TENT4B: variants seen among roughly 807,000 people sequenced by gnomAD.
TENT4B encodes the protein terminal nucleotidyltransferase 4B, also known as PAP associated domain containing 5.
TENT4B carries 10 observed loss-of-function variants against 75.0 expected under a neutral mutation model. That is an observed-to-expected ratio of 0.13 (90% confidence interval 0.08 to 0.23). The LOEUF (loss-of-function observed/expected upper bound fraction) is 0.23. TENT4B is among the 10% of genes least tolerant of loss of function. The pLI is 1.00. For synonymous variants in TENT4B, 350 were observed against 357.7 expected (o/e 0.98, Z 0.24); for missense variants, 579 against 893.8 (o/e 0.65, Z 4.49).
At chr16:50,184,199 G>C (rs969826919) in intron 1 of TENT4B, among the ~76,000 whole-genome samples, 1 of 152,150 alleles carries the variant, frequency 6.6e-6, no homozygotes, top group Non-Finnish European at 1.5e-5. Context: ...AATGGCTTTT[G>C]ATGTCTGCCT....
intron 1 of TENT4B, among the ~76,000 whole-genome samples, chr16:50,202,263 T>C (rs2030701456): frequency 6.6e-6 from 1 of 152,164 alleles, no homozygotes; most frequent in Non-Finnish European, 1.5e-5. Context: ...ACCTGTACTG[T>C]AACATAGGGA....
chr16:50,224,826 T>C, intron 8 of TENT4B, 43 bp downstream of exon 8: 1 of 1,612,802 alleles, frequency 6.2e-7, no homozygotes. Flanking sequence ...CAAAATTAGT[T>C]GTGGCTTCTT....
chr16:50,211,576 A>T (rs2031280531), intron 2 of TENT4B, 130 bp downstream of exon 2: 1 of 1,082,652 alleles, frequency 9.2e-7, no homozygotes, highest in Non-Finnish European at 1.2e-6. Context: ...GTCTAATTAA[A>T]TTTTAAAGGC....
intron 1 of TENT4B, among the ~76,000 whole-genome samples, chr16:50,185,777 A>G (rs2150702443): frequency 6.6e-6 from 1 of 151,882 alleles, no homozygotes; most frequent in Non-Finnish European, 1.5e-5. Flanking sequence ...ATTCACCTGC[A>G]CACCCTTGGC....
At chr16:50,180,724 A>G (rs1192995243) in intron 1 of TENT4B, among the ~76,000 whole-genome samples, 1 of 151,762 alleles carries the variant, frequency 6.6e-6, no homozygotes, top group African/African-American at 2.4e-5. Flanking sequence ...AAAAAAAAAA[A>G]ATCGTATGCA....
intron 7 of TENT4B, among the ~76,000 whole-genome samples, 185 bp from the exon 8 acceptor site, chr16:50,224,472 A>G (rs1369461970): frequency 6.6e-6 from 1 of 152,126 alleles, no homozygotes; most frequent in African/African-American, 2.4e-5. Context: ...CACCATAATG[A>G]AGTACCAACT....
rs1315624700 is a variant in TENT4B at position 50,229,886 on chromosome 16, C to T, written c.*558C>T. On this transcript the variant is annotated 3_prime_UTR_variant, in exon 12 of 12. Transcript: ENST00000561678. ...TGTAATAGTGGATTTGTTAATAATA[C>T]TTTTTACATAACATTACTGTTTAAA... 3 of 913,850 alleles carry T rather than the reference C, an allele frequency of 3.3e-6. No homozygotes were observed. The highest frequency in any genetic ancestry group is 3.9e-6 in the Non-Finnish European group (3 of 765,032). The allele number at this position is 913,850 out of a possible 1,614,324, so 56.6% of individuals were successfully genotyped here. A position where few individuals can be genotyped will look rare whatever the true frequency, so the allele number is the denominator to read the frequency against.
At chr16:50,170,945 G>A (rs2038194398) in intron 1 of TENT4B, among the ~76,000 whole-genome samples, 1 of 146,128 alleles carries the variant, frequency 6.8e-6, no homozygotes, top group Non-Finnish European at 1.5e-5. Flanking sequence ...ATAGGCATGA[G>A]CCACTGTGCC....
At chr16:50,163,421 T>C (rs1299106639) in intron 1 of TENT4B, among the ~76,000 whole-genome samples, 2 of 149,652 alleles carry the variant, frequency 1.3e-5, no homozygotes, top group East Asian at 1.9e-4. Flanking sequence ...TAATTTCTTT[T>C]TTTTTTTTTT....
chr16:50,234,635 C>CTT lies in TENT4B; in HGVS notation c.*5309_*5310dup. ...TGCATATTGAAACTTACAGAAGTCA[C>CTT]TTTAAAAAAGTCTTTTGAAAGTCCT... is the stretch of plus-strand genomic sequence containing the variant. On this transcript the variant is annotated 3_prime_UTR_variant, in exon 12 of 12. Coordinates refer to ENST00000561678, the MANE Select transcript of TENT4B (RefSeq NM_001365324.3). The CTT allele has an allele frequency of 1.0e-6, 1 of 985,286 alleles. No individual in the cohort carries two copies. The highest frequency in any genetic ancestry group is 1.7e-5 in the African/African-American group (1 of 57,340). 61.0% of individuals were successfully genotyped at this position (985,286 alleles called of 1,614,324 possible).
At chr16:50,210,087 T>C (rs568415042) in intron 1 of TENT4B, among the ~76,000 whole-genome samples, 16 of 152,214 alleles carry the variant, frequency 1.1e-4, no homozygotes, top group African/African-American at 3.9e-4. Flanking sequence ...CTAAGGCACT[T>C]TGCACCTGTT....
chr16:50,153,041 G>C (rs1188595504), upstream of TENT4B: 8 of 1,510,540 alleles, frequency 5.3e-6, no homozygotes, highest in Non-Finnish European at 7.0e-6. Flanking sequence ...AGGTACGTGG[G>C]AGCACTCCAC....
rs751663658 is a variant in TENT4B at position 50,211,476 on chromosome 16, C to T, written c.762+30C>T. 35 of 1,539,856 alleles carry T rather than the reference C, an allele frequency of 2.3e-5. No homozygotes were observed. In the East Asian group the frequency reaches 2.4e-4, roughly 10 times the overall value. On this transcript the variant is annotated intron_variant, in intron 2 of 11. Coordinates refer to ENST00000561678, the MANE Select transcript of TENT4B (RefSeq NM_001365324.3). Reference sequence around the variant, plus strand: ...GTCCCTTCCTGGGTAGCTTATGCTTCGGACAGTCCTTGTCCACGGGCTAGA... The same window carrying T: ...GTCCCTTCCTGGGTAGCTTATGCTTTGGACAGTCCTTGTCCACGGGCTAGA...
chr16:50,213,390 A>G (rs934892447), intron 2 of TENT4B, among the ~76,000 whole-genome samples: 2 of 152,080 alleles, frequency 1.3e-5, no homozygotes, highest in Non-Finnish European at 2.9e-5. Context: ...ACCTGCATAC[A>G]TATTTCTGCC....
chr16:50,205,373 A>T (rs2030891247), intron 1 of TENT4B, among the ~76,000 whole-genome samples: 1 of 152,090 alleles, frequency 6.6e-6, no homozygotes, highest in African/African-American at 2.4e-5. Context: ...TTTAAAAAAA[A>T]TTATAATAGT....
At chr16:50,191,553 C>T (rs2038639307) in intron 1 of TENT4B, among the ~76,000 whole-genome samples, 2 of 152,088 alleles carry the variant, frequency 1.3e-5, no homozygotes, top group South Asian at 4.1e-4. Context: ...GGATTATAGG[C>T]GTGAGCCACC....
intron 1 of TENT4B, among the ~76,000 whole-genome samples, chr16:50,157,239 C>T (rs545190166): frequency 6.6e-5 from 10 of 152,268 alleles, no homozygotes; most frequent in Admixed American, 3.3e-4. Context: ...TATAGTCTCT[C>T]GCAGCTGTCT....
At chr16:50,199,525 A>C (rs955245299) in intron 1 of TENT4B, among the ~76,000 whole-genome samples, 4 of 152,142 alleles carry the variant, frequency 2.6e-5, no homozygotes, top group African/African-American at 9.7e-5. Context: ...TTCACCTATT[A>C]ATTTATCCCT....
At chr16:50,174,036 T>C (rs560365098) in intron 1 of TENT4B, among the ~76,000 whole-genome samples, 1 of 152,274 alleles carries the variant, frequency 6.6e-6, no homozygotes, top group East Asian at 1.9e-4. Flanking sequence ...TTTGGCAAAG[T>C]ATCTGTTCTG....
Sources: gnomAD v4.1 joint callset for allele counts (sites outside exome capture counted in the v4.1 genomes callset) on GRCh38, gnomAD v4.1.1 for gene constraint, MANE v1.5 for transcripts, NCBI Gene and HGNC (gene_info 2026-07-23, HGNC 2026-07-21) for gene names.